The following FAT3 variants were observed in gnomAD, a reference collection of about 807,000 sequenced individuals.
FAT3 encodes FAT atypical cadherin 3.
Under a neutral mutation model 310.2 loss-of-function variants are expected in FAT3, and 95 were observed. That is an observed-to-expected ratio of 0.31 (90% CI 0.26 to 0.36). The LOEUF (loss-of-function observed/expected upper bound fraction) is 0.36. Among genes scored for constraint, FAT3 ranks in the 10% least tolerant of loss-of-function variants. The probability of loss-of-function intolerance (pLI) is 1.00; values close to 1 mark genes in which losing one functional copy is unlikely to be tolerated. For synonymous variants in FAT3, 2,314 were observed against 2,192.9 expected, an observed-to-expected ratio of 1.06 and a Z score of -1.54; for missense variants, 5,408 against 5,715.6, an observed-to-expected ratio of 0.95 and a Z score of 1.74.
rs146432830 is a variant in FAT3, at chr11:92,355,026, C to T, written c.2914C>T (p.Arg972Cys). Reference protein sequence around the residue: ...DPDLGLGGQVRYSLVNDYNGR... With the variant: ...DPDLGLGGQVCYSLVNDYNGR... ...AGATCTTGGACTGGGGGGTCAAGTG[C>T]GCTATTCTTTGGTCAATGACTATAA... Residue 972 changes from arginine (R) to cysteine (C), a missense_variant, in exon 2 of 28, where the codon CGC becomes TGC. Transcript: ENST00000525166. 1.6e-5 allele frequency: 26 copies of T among 1,613,704 alleles called. No individual in the cohort carries two copies. The highest frequency in any genetic ancestry group is 6.7e-5 in the African/African-American group (5 of 75,010).
At chr11:92,882,585 T>TCC (rs58520864) in intron 23 of FAT3, among the ~76,000 whole-genome samples, 153 bp from the exon 24 acceptor site, 2,765 of 92,976 alleles carry the variant, frequency 0.03, 136 homozygotes, top group African/African-American at 0.074. Context: ...TAACTCCCCC[T>TCC]CCCCCCCCCC....
rs557084796 is a variant in FAT3 at position 92,396,693 on chromosome 11, G to T, written c.3292+41289G>T. 6.2e-4 allele frequency among the ~76,000 whole-genome samples: 94 copies of T among 152,200 alleles called. 1 individual carries two copies. The highest frequency in any genetic ancestry group is 6.8e-3 in the Middle Eastern group (2 of 292). On this transcript the variant is annotated intron_variant, in intron 2 of 27. Transcript: ENST00000525166. ...AGAATAAGTCACTAAGTTGTGTTTT[G>T]TTGGCCCTTTGTTATTTATTTATTT...
intron 13 of FAT3, among the ~76,000 whole-genome samples, chr11:92,814,235 C>T (rs959069659): frequency 2.0e-5 from 3 of 152,084 alleles, no homozygotes; most frequent in Admixed American, 1.3e-4. Flanking sequence ...CAAAATATAC[C>T]GTTCATTATG....
intron 1 of FAT3, among the ~76,000 whole-genome samples, chr11:92,227,878 A>T (rs920896333): frequency 2.6e-5 from 4 of 151,226 alleles, no homozygotes; most frequent in Non-Finnish European, 5.9e-5. Context: ...TAGCACTTTG[A>T]TGTGCTTCTT....
chr11:92,687,042 G>T (rs1209839602), intron 3 of FAT3, among the ~76,000 whole-genome samples: 3 of 152,060 alleles, frequency 2.0e-5, no homozygotes, highest in Non-Finnish European at 4.4e-5. Flanking sequence ...ACATTTTGGG[G>T]GTTGAACAAT....
intron 2 of FAT3, among the ~76,000 whole-genome samples, chr11:92,493,711 A>G (rs1462455058): frequency 6.6e-6 from 1 of 152,088 alleles, no homozygotes; most frequent in Non-Finnish European, 1.5e-5. Flanking sequence ...TGAATCCTTT[A>G]GGATGTGGCC....
At chr11:92,870,080 T>TC in intron 22 of FAT3, among the ~76,000 whole-genome samples, 1 of 152,328 alleles carries the variant, frequency 6.6e-6, no homozygotes, top group Admixed American at 6.5e-5. Context: ...AGCATAAGCA[T>TC]CCCCTTGACC....
chr11:92,760,890 A>G (rs1247938543), intron 4 of FAT3, among the ~76,000 whole-genome samples: 1 of 152,220 alleles, frequency 6.6e-6, no homozygotes, highest in African/African-American at 2.4e-5. Flanking sequence ...TTTCACAGGC[A>G]CACATGAGAA....
At chr11:92,653,997 T>G (rs1478449818) in intron 3 of FAT3, among the ~76,000 whole-genome samples, 1 of 152,208 alleles carries the variant, frequency 6.6e-6, no homozygotes, top group East Asian at 1.9e-4. Context: ...CTTTCAAATT[T>G]TTAAATTACC....
rs1012540358 is a variant in FAT3, at chr11:92,894,596, A to G, written c.*3483A>G. On this transcript the variant is annotated 3_prime_UTR_variant, in exon 28 of 28. Transcript: ENST00000525166. ...GCTAGACTCTTGGTGCTCGTCATATAGTAAGCAAGAACTTGGGAGTAATAA... is the reference window on the plus strand; with the variant it reads ...GCTAGACTCTTGGTGCTCGTCATATGGTAAGCAAGAACTTGGGAGTAATAA... The G allele has an allele frequency of 1.3e-5, 2 of 152,242 alleles. No individual in the cohort carries two copies. Among genetic ancestry groups the G allele is most frequent in the Non-Finnish European group, 1.5e-5 (1 of 68,048 alleles). The allele number at this position is 152,242 out of a possible 1,614,324, so 9.4% of individuals were successfully genotyped here.
At chr11:92,452,656 C>T (rs1951391805) in intron 2 of FAT3, among the ~76,000 whole-genome samples, 1 of 152,090 alleles carries the variant, frequency 6.6e-6, no homozygotes, top group Admixed American at 6.6e-5. Context: ...ATAAATGGAA[C>T]AAATGAATAC....
At chr11:92,767,300 G>C (rs1343173180) in intron 6 of FAT3, among the ~76,000 whole-genome samples, 2 of 151,008 alleles carry the variant, frequency 1.3e-5, no homozygotes, top group Non-Finnish European at 1.5e-5. Context: ...AAACCGAATA[G>C]GCAACAGAAT....
intron 2 of FAT3, among the ~76,000 whole-genome samples, chr11:92,387,321 G>GT (rs1449457098): frequency 6.6e-6 from 1 of 152,138 alleles, no homozygotes; most frequent in Non-Finnish European, 1.5e-5. Flanking sequence ...TTAGTGGTGA[G>GT]TGGGAGTGGT....
intron 4 of FAT3, among the ~76,000 whole-genome samples, chr11:92,716,731 A>G (rs946001842): frequency 1.3e-5 from 2 of 152,198 alleles, no homozygotes; most frequent in Non-Finnish European, 2.9e-5. Flanking sequence ...ACTTTGATGA[A>G]TACATCATCC....
chr11:92,442,111 A>ATTTTTTTTTTTTTTTTT (rs869097021), intron 2 of FAT3, among the ~76,000 whole-genome samples: 5 of 45,218 alleles, frequency 1.1e-4, no homozygotes, highest in African/African-American at 3.7e-4. Context: ...ATATATATAT[A>ATTTTTTTTTTTTTTTTT]TTTTTTTTTT....
At chr11:92,722,309 C>G (rs1409522751) in intron 4 of FAT3, among the ~76,000 whole-genome samples, 1 of 152,166 alleles carries the variant, frequency 6.6e-6, no homozygotes, top group African/African-American at 2.4e-5. Context: ...GTGGAACAGT[C>G]AAATCTTAAA....
chr11:92,443,744 G>A (rs1951136598), intron 2 of FAT3, among the ~76,000 whole-genome samples: 1 of 152,146 alleles, frequency 6.6e-6, no homozygotes, highest in Non-Finnish European at 1.5e-5. Context: ...GTTCTGAAGT[G>A]TCATGGTGTA....
In FAT3 at chr11:92,329,165, T is replaced by A. The variant is rs368999432; in HGVS notation, c.-17-22931T>A. ...CATGCCTCTTTTGCTAGGTATTACA[T>A]GTGGGGGTGCTATGGTCCACTCCAA... On this transcript the variant is annotated intron_variant, in intron 1 of 27. Transcript: ENST00000525166. Among the ~76,000 whole-genome samples the A allele has an allele frequency of 1.6e-4, 24 of 151,864 alleles. No homozygotes were observed. The South Asian group carries it at 2.7e-3, about 17-fold the overall frequency.
chr11:92,248,667 T>C (rs1591004846), intron 1 of FAT3, among the ~76,000 whole-genome samples: 1 of 152,026 alleles, frequency 6.6e-6, no homozygotes, highest in South Asian at 2.1e-4. Flanking sequence ...ATAGTAGATA[T>C]TGGAAAAAGA....
Sources: allele counts gnomAD v4.1 joint callset (sites outside exome capture counted in the v4.1 genomes callset), GRCh38; gene constraint gnomAD v4.1.1; transcripts MANE v1.5; gene names NCBI Gene and HGNC (gene_info 2026-07-23, HGNC 2026-07-21).